Variants in MFSD2A observed in about 807,000 individuals in gnomAD.
MFSD2A encodes sodium-dependent lysophosphatidylcholine symporter 1.
MFSD2A carries 27 observed loss-of-function variants against 64.7 expected under a neutral mutation model. The ratio of observed to expected loss-of-function variants is 0.42; its 90% confidence interval spans 0.31 to 0.58. The LOEUF (loss-of-function observed/expected upper bound fraction) is 0.58. Among genes scored for constraint, MFSD2A ranks in the 20% least tolerant of loss-of-function variants. The pLI, the probability that MFSD2A is intolerant of heterozygous loss-of-function variation, is 0.18. For missense variants in MFSD2A, 474 were observed against 679.5 expected (o/e 0.70, Z 3.36); for synonymous variants, 258 against 273.4 (o/e 0.94, Z 0.55).
intron 1 of MFSD2A, among the ~76,000 whole-genome samples, chr1:39,956,331 C>A (rs548792822): frequency 6.6e-6 from 1 of 152,354 alleles, no homozygotes; most frequent in African/African-American, 2.4e-5. Flanking sequence ...ACAGCTGCGC[C>A]TGCAGCCAGC....
chr1:39,962,541 C>T (rs2124768100), intron 3 of MFSD2A: 1 of 587,932 alleles, frequency 1.7e-6, no homozygotes, highest in East Asian at 2.9e-5. Context: ...TCCGAGAAAA[C>T]ACCAAATGGC....
chr1:39,968,629 C>T lies in MFSD2A; in HGVS notation c.1413C>T (p.Asn471=), dbSNP rs1453918793. Residue 471 remains asparagine, a synonymous_variant, in exon 13 of 14, where the codon AAC becomes AAT. Coordinates refer to ENST00000372811, the MANE Select transcript of MFSD2A (RefSeq NM_032793.5). The surrounding 1 kb of genome is among the most constrained non-coding windows in gnomAD (Gnocchi z 4.4). ...CGGAACGTGTCAAGTTTACACTGAA[C>T]ATGCTCGTGACCATGGCTCCCATAG... ...SQPERVKFTL[N]MLVTMAPIVL... is the part of the protein sequence containing the mutation. 3 of 1,614,140 alleles carry T rather than the reference C, an allele frequency of 1.9e-6. No individual in the cohort carries two copies. The highest frequency in any genetic ancestry group is 1.7e-6 in the Non-Finnish European group (2 of 1,180,022).
In MFSD2A at chr1:39,963,737, AGTTT is replaced by A. The variant is rs372312839; in HGVS notation, c.354-1460_354-1457del. Among the ~76,000 whole-genome samples, 110 of 151,958 alleles carry A rather than the reference AGTTT, an allele frequency of 7.2e-4. No individual in the cohort carries two copies. The highest frequency in any genetic ancestry group is 2.0e-3 in the African/African-American group (84 of 41,398). ...CACATTAAGGATGTAATAATCAAGG[AGTTT>A]GTTTGTTTGTTTGAGACAGGGCCTC... On this transcript the variant is annotated intron_variant, in intron 3 of 13. Transcript: ENST00000372811. This position sits in a 1 kb window ranked among gnomAD's most constrained non-coding sequence, Gnocchi z 4.2.
chr1:39,965,736 C>T lies in MFSD2A; in HGVS notation c.557-121C>T. 7.5e-7 allele frequency: 1 copy of T among 1,341,586 alleles called. No individual in the cohort carries two copies. The highest frequency in any genetic ancestry group is 1.0e-6 in the Non-Finnish European group (1 of 961,884). The allele number at this position is 1,341,586 out of a possible 1,614,324, so 83.1% of individuals were successfully genotyped here. On this transcript the variant is annotated intron_variant, in intron 5 of 13. Transcript: ENST00000372811. The surrounding 1 kb of genome is among the most constrained non-coding windows in gnomAD (Gnocchi z 5.5). ...ATATGCGTTCAAACCAAGGTGTCAC[C>T]TACCCCACTACCTCTACCCACCCTG...
intron 6 of MFSD2A, 79 bp from the exon 7 acceptor site, chr1:39,966,522 T>A: frequency 8.5e-7 from 1 of 1,183,150 alleles, no homozygotes; most frequent in Non-Finnish European, 1.2e-6. Flanking sequence ...CCAAGATCAT[T>A]GAGTGGGGCT....
In MFSD2A at chr1:39,955,630, C is replaced by A; in HGVS notation, c.93+245C>A. The stretch of plus-strand genomic sequence containing the variant: ...TGCGGAGAGGCTCTGCCGGCAGCCC[C>A]ATGTGATTCCCCGCTCTGCCTAGCC... On this transcript the variant is annotated intron_variant, in intron 1 of 13. Coordinates refer to ENST00000372811, the MANE Select transcript of MFSD2A (RefSeq NM_032793.5). This position sits in a 1 kb window ranked among gnomAD's most constrained non-coding sequence, Gnocchi z 5.9. 1 of 686,182 alleles carries A rather than the reference C, an allele frequency of 1.5e-6. No individual in the cohort carries two copies. Among genetic ancestry groups the A allele is most frequent in the Non-Finnish European group, 2.7e-6 (1 of 375,434 alleles). 42.5% of individuals were successfully genotyped at this position (686,182 alleles called of 1,614,324 possible). A position where few individuals can be genotyped will look rare whatever the true frequency, so the allele number is the denominator to read the frequency against.
chr1:39,965,248 T>C lies in MFSD2A; in HGVS notation c.391T>C (p.Phe131Leu). The C allele has an allele frequency of 6.2e-7, 1 of 1,614,176 alleles. No homozygotes were observed. Among genetic ancestry groups the C allele is most frequent in the South Asian group, 1.1e-5 (1 of 91,086 alleles). ...CACGCCCCTGGCCGTCATTGCCTAC[T>C]TCCTCATCTGGTTCGTGCCCGACTT... ...FSTPLAVIAY[F>L]LIWFVPDFPH... The change falls in exon 4 of 14, where the codon TTC becomes CTC. Residue 131 changes from phenylalanine (F) to leucine (L), a missense_variant. Coordinates refer to ENST00000372811, the MANE Select transcript of MFSD2A (RefSeq NM_032793.5). The surrounding 1 kb of genome is among the most constrained non-coding windows in gnomAD (Gnocchi z 5.5).
rs1645145000 is a variant in MFSD2A at position 39,965,641 on chromosome 1, A to G, written c.556+92A>G. 3 of 1,387,540 alleles carry G rather than the reference A, an allele frequency of 2.2e-6. No individual in the cohort carries two copies. The highest frequency in any genetic ancestry group is 2.3e-5 in the East Asian group (1 of 43,696). The allele number at this position is 1,387,540 out of a possible 1,614,324, so 86.0% of individuals were successfully genotyped here. ...GGTCCAGCTCTTTGCTCTGCTCTAG[A>G]GTGTGGGTGTGAAACCATCTTAAAA... On this transcript the variant is annotated intron_variant, in intron 5 of 13. Transcript: ENST00000372811. This position sits in a 1 kb window ranked among gnomAD's most constrained non-coding sequence, Gnocchi z 5.5.
At chr1:39,967,341 A>G (rs1645185905) in intron 9 of MFSD2A, 172 bp downstream of exon 9, 2 of 654,660 alleles carry the variant, frequency 3.1e-6, no homozygotes, top group Non-Finnish European at 5.3e-6. Flanking sequence ...CTGTGAAAGA[A>G]AGAGTTTGAG....
Position 39,955,418 on chromosome 1 carries a change from G to A in MFSD2A, c.93+33G>A. The A allele has an allele frequency of 6.6e-7, 1 of 1,510,142 alleles. No homozygotes were observed. Among genetic ancestry groups the A allele is most frequent in the Non-Finnish European group, 8.9e-7 (1 of 1,128,348 alleles). The allele number at this position is 1,510,142 out of a possible 1,614,324, so 93.5% of individuals were successfully genotyped here. A position where few individuals can be genotyped will look rare whatever the true frequency, so the allele number is the denominator to read the frequency against. On this transcript the variant is annotated intron_variant, in intron 1 of 13. Transcript: ENST00000372811. The surrounding 1 kb of genome is among the most constrained non-coding windows in gnomAD (Gnocchi z 5.9). ...CCCGGCACCCCGCGTGGAGGGCGAG[G>A]GGAGGGAGGAGGCGGAAATGGGGGA...
At position 39,969,694 on chromosome 1, in the gene MFSD2A, C is replaced by T; in HGVS notation, c.*126C>T. ...GGAACTGAAGACTCAAGGAGGTGGC[C>T]CAGGACACTTGCTGTGCTCACTGTG... On this transcript the variant is annotated 3_prime_UTR_variant, in exon 14 of 14. Transcript: ENST00000372811. 8.7e-6 allele frequency: 8 copies of T among 916,802 alleles called. No individual in the cohort carries two copies. Among genetic ancestry groups the T allele is most frequent in the Non-Finnish European group, 1.3e-5 (8 of 599,234 alleles). The allele number at this position is 916,802 out of a possible 1,614,324, so 56.8% of individuals were successfully genotyped here.
intron 1 of MFSD2A, among the ~76,000 whole-genome samples, chr1:39,956,650 C>T (rs1017575791): frequency 1.3e-5 from 2 of 152,054 alleles, no homozygotes; most frequent in East Asian, 3.9e-4. Context: ...ATGGATTCCC[C>T]TTTTCCATGT....
chr1:39,965,618 TC>T lies in MFSD2A; in HGVS notation c.556+71del. 6.6e-7 allele frequency: 1 copy of T among 1,506,636 alleles called. No homozygotes were observed. The highest frequency in any genetic ancestry group is 9.2e-7 in the Non-Finnish European group (1 of 1,083,814). 93.3% of individuals were successfully genotyped at this position (1,506,636 alleles called of 1,614,324 possible). The stretch of plus-strand genomic sequence containing the variant: ...CCAGCCATACTTCTTCCCTTGCGGG[TC>T]CAGCTCTTTGCTCTGCTCTAGAGTG... On this transcript the variant is annotated intron_variant, in intron 5 of 13. Coordinates refer to ENST00000372811, the MANE Select transcript of MFSD2A (RefSeq NM_032793.5). The surrounding 1 kb of genome is among the most constrained non-coding windows in gnomAD (Gnocchi z 5.5).
rs750909335 is a variant in MFSD2A, at chr1:39,967,794, C to A, written c.1096-10C>A. 9 of 1,611,956 alleles carry A rather than the reference C, an allele frequency of 5.6e-6. No individual in the cohort carries two copies. The South Asian group carries it at 9.9e-5, about 18-fold the overall frequency. On this transcript the variant is annotated splice_polypyrimidine_tract_variant and intron_variant, in intron 10 of 13. Transcript: ENST00000372811. ...CCAGCTGATTCATCTTCCTGCACCC[C>A]CTTCCCTAGTCAGCAGTGCCATTTC... is the stretch of plus-strand genomic sequence containing the variant.
chr1:39,955,492 A>T lies in MFSD2A; in HGVS notation c.93+107A>T. 8.4e-7 allele frequency: 1 copy of T among 1,185,550 alleles called. No homozygotes were observed. Among genetic ancestry groups the T allele is most frequent in the Non-Finnish European group, 1.2e-6 (1 of 825,762 alleles). The allele number at this position is 1,185,550 out of a possible 1,614,324, so 73.4% of individuals were successfully genotyped here. ...TGGTCAGGGGACCATTGGGATAGCC[A>T]GGGACAGGAAGCCTACGAGCCAGAG... On this transcript the variant is annotated intron_variant, in intron 1 of 13. Transcript: ENST00000372811. The surrounding 1 kb of genome is among the most constrained non-coding windows in gnomAD (Gnocchi z 5.9).
intron 6 of MFSD2A, among the ~76,000 whole-genome samples, chr1:39,966,296 C>T (rs985260508): frequency 6.6e-6 from 1 of 151,972 alleles, no homozygotes; most frequent in African/African-American, 2.4e-5. Flanking sequence ...TGTTTTTTTC[C>T]TTTTATTATT....
rs771395212 is a variant in MFSD2A, at chr1:39,963,758, C to T, written c.354-1453C>T. Among the ~76,000 whole-genome samples the T allele has an allele frequency of 1.3e-5, 2 of 152,064 alleles. No homozygotes were observed. The highest frequency in any genetic ancestry group is 2.9e-5 in the Non-Finnish European group (2 of 68,032). ...AAGGAGTTTGTTTGTTTGTTTGAGA[C>T]AGGGCCTCACTCCGTCACCAGGCTG... On this transcript the variant is annotated intron_variant, in intron 3 of 13. Coordinates refer to ENST00000372811, the MANE Select transcript of MFSD2A (RefSeq NM_032793.5). The surrounding 1 kb of genome is among the most constrained non-coding windows in gnomAD (Gnocchi z 4.2).
Position 39,956,848 on chromosome 1 carries a change from G to A in MFSD2A, c.94-239G>A, listed in dbSNP as rs560726347. On this transcript the variant is annotated intron_variant, in intron 1 of 13. Coordinates refer to ENST00000372811, the MANE Select transcript of MFSD2A (RefSeq NM_032793.5). ...GGAGAATGGCGTGAACCCAGGAGGC[G>A]GAGCTTGCAGTGAGCCGAGATGGCA... Among the ~76,000 whole-genome samples, 177 of 148,972 alleles carry A rather than the reference G, an allele frequency of 1.2e-3. 1 individual carries two copies. Among genetic ancestry groups the A allele is most frequent in the African/African-American group, 4.0e-3 (163 of 40,454 alleles).
chr1:39,963,091 G>T lies in MFSD2A; in HGVS notation c.354-2120G>T. 7.3e-7 allele frequency: 1 copy of T among 1,377,012 alleles called. No homozygotes were observed. 85.3% of individuals were successfully genotyped at this position (1,377,012 alleles called of 1,614,324 possible). A position where few individuals can be genotyped will look rare whatever the true frequency, so the allele number is the denominator to read the frequency against. On this transcript the variant is annotated intron_variant, in intron 3 of 13. Coordinates refer to ENST00000372811, the MANE Select transcript of MFSD2A (RefSeq NM_032793.5). This position sits in a 1 kb window ranked among gnomAD's most constrained non-coding sequence, Gnocchi z 4.2. ...ATCAGCAAGCCCCACACCGTCCCTT[G>T]CAAGGTGACAGGCCGCTGCGGCTCT...
Sources: allele counts gnomAD v4.1 joint callset (sites outside exome capture counted in the v4.1 genomes callset), GRCh38; gene constraint gnomAD v4.1.1; non-coding constraint Gnocchi (gnomAD v3.1); transcripts MANE v1.5; gene names NCBI Gene and HGNC (gene_info 2026-07-23, HGNC 2026-07-21).